TET3: variants seen among roughly 807,000 people sequenced by gnomAD.
TET3 encodes the protein tet methylcytosine dioxygenase 3, also known as methylcytosine dioxygenase TET3.
Under a neutral mutation model 141.4 loss-of-function variants are expected in TET3, and 19 were observed. The observed-to-expected ratio is 0.13, with a 90% confidence interval of 0.09 to 0.20. TET3 has a LOEUF of 0.20. TET3 is among the 10% of genes least tolerant of loss of function. The pLI is 1.00. For synonymous variants in TET3, 1,043 were observed against 980.9 expected, an observed-to-expected ratio of 1.06 and a Z score of -1.18; for missense variants, 1,874 against 2,356.9, an observed-to-expected ratio of 0.80 and a Z score of 4.24.
Position 74,048,161 on chromosome 2 carries a change from C to G in TET3, c.2244C>G (p.Pro748=), listed in dbSNP as rs1231676443. 7 of 1,612,484 alleles carry G rather than the reference C, an allele frequency of 4.3e-6. No homozygotes were observed. In the African/African-American group the frequency reaches 8.0e-5, roughly 18 times the overall value. ...QQTCLPAPES[P]FATRSPKQIK... The stretch of plus-strand genomic sequence containing the variant: ...CATGTCTCCCAGCCCCTGAGAGCCC[C>G]TTTGCTACCCGTTCCCCCAAGCAAA... The change falls in exon 4 of 12, where the codon CCC becomes CCG. Residue 748 remains proline (P), a synonymous_variant. Coordinates refer to ENST00000409262, the MANE Select transcript of TET3 (RefSeq NM_001287491.2).
At position 74,102,310 on chromosome 2, in the gene TET3, ATCATATATATGTATTTATGGTCC is replaced by A; in HGVS notation, c.*135_*157del. 1 of 1,217,634 alleles carries A rather than the reference ATCATATATATGTATTTATGGTCC, an allele frequency of 8.2e-7. No homozygotes were observed. The highest frequency in any genetic ancestry group is 1.0e-6 in the Non-Finnish European group (1 of 962,868). The allele number at this position is 1,217,634 out of a possible 1,614,324, so 75.4% of individuals were successfully genotyped here. ...TCTATATACATATATAGATGCGCATATCATATATATGTATTTATGGTCCAAACCTCAGAACTGACCCGCCCCTC... is the reference window on the plus strand; with the variant it reads ...TCTATATACATATATAGATGCGCATAAAACCTCAGAACTGACCCGCCCCTC... On this transcript the variant is annotated 3_prime_UTR_variant, in exon 12 of 12. Coordinates refer to ENST00000409262, the MANE Select transcript of TET3 (RefSeq NM_001287491.2).
At chr2:74,000,547 G>C (rs1285990899) in intron 2 of TET3, among the ~76,000 whole-genome samples, 2 of 152,094 alleles carry the variant, frequency 1.3e-5, no homozygotes, top group African/African-American at 4.8e-5. Flanking sequence ...GGGAGGTGCG[G>C]AGGGATCCAG....
At chr2:74,057,650 A>G (rs533583767) in intron 4 of TET3, among the ~76,000 whole-genome samples, 2 of 152,226 alleles carry the variant, frequency 1.3e-5, no homozygotes, top group Non-Finnish European at 2.9e-5. Context: ...TTGGTCATCA[A>G]AAGTGGTGTG....
At chr2:74,115,430 G>A in the TET3 span, among the ~76,000 whole-genome samples, 4 of 152,278 alleles carry the variant, frequency 2.6e-5, no homozygotes, top group African/African-American at 9.6e-5. Flanking sequence ...CGGGGAGGAT[G>A]GGAGACGACA....
chr2:74,047,842 C>T lies in TET3; in HGVS notation c.1925C>T (p.Ala642Val), dbSNP rs142042604. Residue 642 changes from alanine (A) to valine (V), a missense_variant, in exon 4 of 12, where the codon GCT becomes GTT. Transcript: ENST00000409262. ...TCCCCAGCCTCCCAGGAAGTGCAGG[C>T]TCATCCACCGGCCCCTCTGCCTGCC... The part of the protein sequence containing the change: ...LRSPASQEVQ[A>V]HPPAPLPASQ... 6.2e-7 allele frequency: 1 copy of T among 1,612,626 alleles called. No individual in the cohort carries two copies. Among genetic ancestry groups the T allele is most frequent in the Non-Finnish European group, 8.5e-7 (1 of 1,179,274 alleles).
In TET3 at chr2:74,033,021, C is replaced by T. The variant is rs1399663683; in HGVS notation, c.361-13257C>T. On this transcript the variant is annotated intron_variant, in intron 3 of 11. Transcript: ENST00000409262. ...ATTTTCTTTCTGCATTATGTGTGAT[C>T]TGCCTCTGTGTTATAACTGCGTACA... is the stretch of plus-strand genomic sequence containing the variant. Among the ~76,000 whole-genome samples, 4 of 152,298 alleles carry T rather than the reference C, an allele frequency of 2.6e-5. No homozygotes were observed. In the East Asian group the frequency reaches 5.8e-4, roughly 22 times the overall value.
chr2:74,003,911 C>T (rs1685009824), intron 3 of TET3, among the ~76,000 whole-genome samples: 1 of 151,964 alleles, frequency 6.6e-6, no homozygotes, highest in Non-Finnish European at 1.5e-5. Context: ...GAGTATCAGC[C>T]ATTACTAGGA....
Position 73,989,536 on chromosome 2 carries a change from T to G in TET3, c.303+2830T>G, listed in dbSNP as rs573459444. Reference sequence around the variant, plus strand: ...GCTCCTCACTCTTTTTCTCTGGGCTTTGTCGGTGGGGAGAAGGGTGCAGGG... The same window carrying G: ...GCTCCTCACTCTTTTTCTCTGGGCTGTGTCGGTGGGGAGAAGGGTGCAGGG... On this transcript the variant is annotated intron_variant, in intron 2 of 11. Coordinates refer to ENST00000409262, the MANE Select transcript of TET3 (RefSeq NM_001287491.2). 2.0e-4 allele frequency among the ~76,000 whole-genome samples: 31 copies of G among 152,276 alleles called. No individual in the cohort carries two copies. The South Asian group carries it at 6.2e-3, about 31-fold the overall frequency.
intron 3 of TET3, among the ~76,000 whole-genome samples, chr2:74,029,514 A>T (rs1467669990): frequency 6.6e-6 from 1 of 152,270 alleles, no homozygotes; most frequent in African/African-American, 2.4e-5. Flanking sequence ...GAAAATGTTT[A>T]TACAGTTAGG....
In TET3 at chr2:74,047,861, G is replaced by C. The variant is rs759070250; in HGVS notation, c.1944G>C (p.Leu648=). 2.0e-5 allele frequency: 33 copies of C among 1,612,576 alleles called. No individual in the cohort carries two copies. In the South Asian group the frequency reaches 3.4e-4, roughly 17 times the overall value. The change falls in exon 4 of 12, where the codon CTG becomes CTC. Residue 648 remains leucine (L), a synonymous_variant. Coordinates refer to ENST00000409262, the MANE Select transcript of TET3 (RefSeq NM_001287491.2). ...QEVQAHPPAP[L]PASQGSAVPL... ...TGCAGGCTCATCCACCGGCCCCTCT[G>C]CCTGCCTCACAGGGCTCTGCTGTGC...
At position 74,090,027 on chromosome 2, in the gene TET3, G is replaced by T. The variant is rs754843346; in HGVS notation, c.3019G>T (p.Ala1007Ser). ...RSKTPRKFRL[A>S]GDNPKEEEVL... The stretch of plus-strand genomic sequence containing the variant: ...CAAGACACCTCGCAAGTTCCGCCTC[G>T]CAGGGGACAATCCCAAAGAGGTGAG... Residue 1007 changes from alanine (A) to serine (S), a missense_variant, in exon 8 of 12, where the codon GCA (alanine) becomes TCA (serine). Ala to Ser is a moderately conservative substitution (Grantham distance 99). Coordinates refer to ENST00000409262, the MANE Select transcript of TET3 (RefSeq NM_001287491.2). 1.2e-6 allele frequency: 2 copies of T among 1,613,966 alleles called. No individual in the cohort carries two copies. Among genetic ancestry groups the T allele is most frequent in the Non-Finnish European group, 1.7e-6 (2 of 1,179,880 alleles).
At position 74,101,973 on chromosome 2, in the gene TET3, C is replaced by T. The variant is rs995896822; in HGVS notation, c.5185C>T (p.Arg1729Trp). Residue 1729 changes from arginine (R) to tryptophan (W), a missense_variant, in exon 12 of 12, where the codon CGG becomes TGG. This residue lies in a region of TET3 where 113 missense variants were observed against 114.3 expected (regional missense o/e 0.99). Coordinates refer to ENST00000409262, the MANE Select transcript of TET3 (RefSeq NM_001287491.2). The surrounding 1 kb of genome is among the most constrained non-coding windows in gnomAD (Gnocchi z 8.5). ...ACGGGCACGGCAGGAGGAGGCTGCC[C>T]GGCTGGGCCTGGGCCAGCAGGAGGC... is the stretch of plus-strand genomic sequence containing the variant. ...RARARQEEAA[R>W]LGLGQQEAKL... The T allele has an allele frequency of 8.7e-6, 14 of 1,606,912 alleles. No individual in the cohort carries two copies. Among genetic ancestry groups the T allele is most frequent in the South Asian group, 2.2e-5 (2 of 90,832 alleles).
the TET3 span, among the ~76,000 whole-genome samples, chr2:74,131,960 G>A: frequency 1.3e-5 from 2 of 152,004 alleles, no homozygotes; most frequent in Non-Finnish European, 2.9e-5. Context: ...GCATTTAGGG[G>A]ATTACACATT....
At chr2:74,125,803 G>C in the TET3 span, among the ~76,000 whole-genome samples, 41,919 of 151,844 alleles carry the variant, frequency 0.28, 6,116 homozygotes, top group East Asian at 0.49. Flanking sequence ...CTAAAGTGTT[G>C]GGATTACAGG....
intron 4 of TET3, among the ~76,000 whole-genome samples, chr2:74,066,501 T>A (rs1043485323): frequency 6.6e-6 from 1 of 152,250 alleles, no homozygotes. Flanking sequence ...TATACTAGTT[T>A]GATAACTTTG....
Position 74,102,310 on chromosome 2 carries a change from ATC to A in TET3, c.*135_*136del. On this transcript the variant is annotated 3_prime_UTR_variant, in exon 12 of 12. Transcript: ENST00000409262. ...TCTATATACATATATAGATGCGCAT[ATC>A]ATATATATGTATTTATGGTCCAAAC... 1 of 1,217,596 alleles carries A rather than the reference ATC, an allele frequency of 8.2e-7. No individual in the cohort carries two copies. The highest frequency in any genetic ancestry group is 1.0e-6 in the Non-Finnish European group (1 of 962,836). The allele number at this position is 1,217,596 out of a possible 1,614,324, so 75.4% of individuals were successfully genotyped here.
chr2:74,111,310 C>A (rs998441319), downstream of TET3, among the ~76,000 whole-genome samples: 2 of 152,196 alleles, frequency 1.3e-5, no homozygotes, highest in Non-Finnish European at 2.9e-5. Flanking sequence ...AAAGCCATGT[C>A]TAGCCTCATG....
At chr2:74,017,022 A>G (rs1196548706) in intron 3 of TET3, among the ~76,000 whole-genome samples, 2 of 152,006 alleles carry the variant, frequency 1.3e-5, no homozygotes, top group Non-Finnish European at 2.9e-5. Context: ...ACAGTGGCAC[A>G]CTCCTATAAT....
intron 4 of TET3, among the ~76,000 whole-genome samples, chr2:74,057,980 T>C (rs761048933): frequency 1.3e-5 from 2 of 152,206 alleles, no homozygotes; most frequent in Non-Finnish European, 2.9e-5. Context: ...ATACAGGAAT[T>C]GTTTAAACCG....
Sources: gnomAD v4.1 joint callset for allele counts (sites outside exome capture counted in the v4.1 genomes callset) on GRCh38, gnomAD v4.1.1 for gene constraint, gnomAD v4.1.1 regional missense constraint, Gnocchi (gnomAD v3.1) non-coding constraint, MANE v1.5 for transcripts, NCBI Gene and HGNC (gene_info 2026-07-23, HGNC 2026-07-21) for gene names.